The following CRISP3 variants were observed in gnomAD, a reference collection of about 807,000 sequenced individuals.
CRISP3 encodes the protein cysteine-rich secretory protein 3.
CRISP3 carries 33 observed loss-of-function variants against 36.1 expected under a neutral mutation model. The ratio of observed to expected loss-of-function variants is 0.91; its 90% confidence interval spans 0.69 to 1.22. CRISP3 has a LOEUF of 1.22. CRISP3 is among the 50% of genes most tolerant of loss of function. CRISP3 has a pLI of 0.00. For missense variants in CRISP3, 330 were observed against 301.2 expected (o/e 1.10, Z -0.71); for synonymous variants, 117 against 104.6 (o/e 1.12, Z -0.72).
chr6:49,731,299 G>A (rs369879052), intron 6 of CRISP3, 48 bp from the exon 7 acceptor site: 16 of 1,271,378 alleles, frequency 1.3e-5, no homozygotes, highest in East Asian at 4.8e-5. Flanking sequence ...TTTATGTTTC[G>A]TTTATGTTCC....
At chr6:49,733,569 C>T in intron 5 of CRISP3, 134 bp downstream of exon 5, 2 of 864,584 alleles carry the variant, frequency 2.3e-6, no homozygotes, top group East Asian at 5.3e-5. Context: ...AGCTGAAATA[C>T]TCACCAAATG....
rs375461364 is a variant in CRISP3 at position 49,741,611 on chromosome 6, GTTTTTTTTTTT to G, written c.37+2709_37+2719del. On this transcript the variant is annotated intron_variant, in intron 1 of 7. Transcript: ENST00000263045. Reference sequence around the variant, plus strand: ...TCATTAAATTCAACCCCTGTATGTAGTTTTTTTTTTTTTTTTTTTTTTTAAAGAAAAAATAG... The same window carrying G: ...TCATTAAATTCAACCCCTGTATGTAGTTTTTTTTTTTTAAAGAAAAAATAG... Among the ~76,000 whole-genome samples, 197 of 113,014 alleles carry G rather than the reference GTTTTTTTTTTT, an allele frequency of 1.7e-3. 2 individuals carry two copies. The highest frequency in any genetic ancestry group is 5.2e-3 in the African/African-American group (158 of 30,412). 74.1% of individuals were successfully genotyped at this position (113,014 alleles called of 152,430 possible). A position where few individuals can be genotyped will look rare whatever the true frequency, so the allele number is the denominator to read the frequency against.
chr6:49,741,127 A>AC (rs1230176670), intron 1 of CRISP3, among the ~76,000 whole-genome samples: 1 of 96,602 alleles, frequency 1.0e-5, no homozygotes, highest in Admixed American at 1.3e-4. Flanking sequence ...AAACAAACAA[A>AC]AAAAACAAAC....
At position 49,731,175 on chromosome 6, in the gene CRISP3, C is replaced by T. The variant is rs996891773; in HGVS notation, c.637G>A (p.Asp213Asn). ...PCASCPDNCD[D>N]GLCTNGCKYE... ...ACTTCAAACTTACTGCATAGTCCAT[C>T]GTCACAGTTATCTGGGCAACTGGCA... Residue 213 changes from aspartate (D) to asparagine (N), a missense_variant, in exon 7 of 8, where the codon GAT becomes AAT. By Grantham distance (23) the Asp-to-Asn change is conservative. Transcript: ENST00000263045. 8.1e-6 allele frequency: 13 copies of T among 1,605,912 alleles called. No individual in the cohort carries two copies. In the East Asian group the frequency reaches 2.0e-4, roughly 25 times the overall value.
chr6:49,731,085 T>C, intron 7 of CRISP3, 78 bp downstream of exon 7: 1 of 1,060,582 alleles, frequency 9.4e-7, no homozygotes, highest in Non-Finnish European at 1.4e-6. Context: ...TTAAGTTGGT[T>C]GTCTTCAGAT....
Position 49,727,388 on chromosome 6 carries a change from A to G in CRISP3, c.*1342T>C, listed in dbSNP as rs1188387748. On this transcript the variant is annotated 3_prime_UTR_variant, in exon 8 of 8. Transcript: ENST00000263045. Reference sequence around the variant, plus strand: ...TAAAATTCTTGTATTTTTTTTCAAGACACTTTTTATTTTGCATTGCTTTCT... The same window carrying G: ...TAAAATTCTTGTATTTTTTTTCAAGGCACTTTTTATTTTGCATTGCTTTCT... 6.6e-6 allele frequency: 1 copy of G among 151,942 alleles called. No individual in the cohort carries two copies. Among genetic ancestry groups the G allele is most frequent in the Non-Finnish European group, 1.5e-5 (1 of 67,910 alleles). The allele number at this position is 151,942 out of a possible 1,614,324, so 9.4% of individuals were successfully genotyped here.
At chr6:49,743,258 T>C (rs1451998976) in intron 1 of CRISP3, among the ~76,000 whole-genome samples, 1 of 152,136 alleles carries the variant, frequency 6.6e-6, no homozygotes, top group Non-Finnish European at 1.5e-5. Context: ...AATTATCAGA[T>C]TTACATTACT....
chr6:49,732,316 T>G (rs1768933369), intron 6 of CRISP3, among the ~76,000 whole-genome samples: 2 of 152,252 alleles, frequency 1.3e-5, no homozygotes, highest in Middle Eastern at 3.4e-3. Flanking sequence ...ACCTTACAGG[T>G]CATATTTCTC....
chr6:49,742,041 C>A (rs1156948937), intron 1 of CRISP3, among the ~76,000 whole-genome samples: 1 of 150,936 alleles, frequency 6.6e-6, no homozygotes, highest in African/African-American at 2.4e-5. Context: ...ACAAAAATAC[C>A]ATTTCTATTA....
Position 49,728,703 on chromosome 6 carries a change from T to G in CRISP3, c.*27A>C. On this transcript the variant is annotated 3_prime_UTR_variant, in exon 8 of 8. Transcript: ENST00000263045. ...GTAGATAATCTGACTCCTCTCTACATAGCCCTACTCGGTGTGTAATGCGTA... is the reference window on the plus strand; with the variant it reads ...GTAGATAATCTGACTCCTCTCTACAGAGCCCTACTCGGTGTGTAATGCGTA... 6 of 1,589,886 alleles carry G rather than the reference T, an allele frequency of 3.8e-6. No individual in the cohort carries two copies. Among genetic ancestry groups the G allele is most frequent in the Non-Finnish European group, 5.1e-6 (6 of 1,168,514 alleles).
In CRISP3 at chr6:49,733,232, C is replaced by G; in HGVS notation, c.523G>C (p.Val175Leu). Residue 175 changes from valine to leucine, a missense_variant, in exon 6 of 8, where the codon GTT becomes CTT. Coordinates refer to ENST00000263045, the MANE Select transcript of CRISP3 (RefSeq NM_006061.4). ...TGGCAAACATAGTAGTATTTTAGAACTTTTTGATTGGGACAGTAGGCATTT... is the reference window on the plus strand; with the variant it reads ...TGGCAAACATAGTAGTATTTTAGAAGTTTTTGATTGGGACAGTAGGCATTT... ...CGNAYCPNQK[V>L]LKYYYVCQYC... The G allele has an allele frequency of 6.2e-7, 1 of 1,610,294 alleles. No homozygotes were observed. The highest frequency in any genetic ancestry group is 8.5e-7 in the Non-Finnish European group (1 of 1,178,024).
chr6:49,741,494 G>A (rs1769200191), intron 1 of CRISP3, among the ~76,000 whole-genome samples: 1 of 151,792 alleles, frequency 6.6e-6, no homozygotes, highest in Non-Finnish European at 1.5e-5. Flanking sequence ...AAAATTATAT[G>A]AGGACTGCAA....
intron 7 of CRISP3, among the ~76,000 whole-genome samples, chr6:49,730,091 C>T (rs1267948971): frequency 6.6e-6 from 1 of 151,952 alleles, no homozygotes; most frequent in Admixed American, 6.6e-5. Context: ...AAAAATGTTA[C>T]AATTCAGTCA....
At position 49,728,728 on chromosome 6, in the gene CRISP3, A is replaced by T. The variant is rs1438797159; in HGVS notation, c.*2T>A. 1 of 1,610,140 alleles carries T rather than the reference A, an allele frequency of 6.2e-7. No individual in the cohort carries two copies. Among genetic ancestry groups the T allele is most frequent in the East Asian group, 2.2e-5 (1 of 44,780 alleles). On this transcript the variant is annotated 3_prime_UTR_variant, in exon 8 of 8. Coordinates refer to ENST00000263045, the MANE Select transcript of CRISP3 (RefSeq NM_006061.4). ...TAGCCCTACTCGGTGTGTAATGCGTATTTAATAAATGCTGTTTGAACAATT... is the reference window on the plus strand; with the variant it reads ...TAGCCCTACTCGGTGTGTAATGCGTTTTTAATAAATGCTGTTTGAACAATT...
chr6:49,736,526 A>G lies in CRISP3; in HGVS notation c.112-19T>C. ...CGGGATCCTAAGGGAAAATAAAATT[A>G]CAATTATCTTTTAACATTGTTGGAA... On this transcript the variant is annotated intron_variant, in intron 2 of 7. Transcript: ENST00000263045. 2.0e-6 allele frequency: 3 copies of G among 1,509,698 alleles called. No homozygotes were observed. The highest frequency in any genetic ancestry group is 2.8e-6 in the Non-Finnish European group (3 of 1,085,154). The allele number at this position is 1,509,698 out of a possible 1,614,324, so 93.5% of individuals were successfully genotyped here.
chr6:49,735,233 T>G lies in CRISP3; in HGVS notation c.316+271A>C, dbSNP rs530531842. Reference sequence around the variant, plus strand: ...CTGTTGATTTTCTAATCTCTGTAATTGGGAAAGAGATGATCTGTAACCTGC... The same window carrying G: ...CTGTTGATTTTCTAATCTCTGTAATGGGGAAAGAGATGATCTGTAACCTGC... On this transcript the variant is annotated intron_variant, in intron 4 of 7. Coordinates refer to ENST00000263045, the MANE Select transcript of CRISP3 (RefSeq NM_006061.4). Among the ~76,000 whole-genome samples the G allele has an allele frequency of 3.3e-5, 5 of 152,134 alleles. No individual in the cohort carries two copies. The South Asian group carries it at 1.0e-3, about 31-fold the overall frequency.
At chr6:49,737,760 A>G (rs1201156652) in intron 1 of CRISP3, among the ~76,000 whole-genome samples, 1 of 152,180 alleles carries the variant, frequency 6.6e-6, no homozygotes, top group Non-Finnish European at 1.5e-5. Context: ...GTAGCTTCCA[A>G]CTGTGTTTAT....
At chr6:49,732,642 C>A (rs1768943625) in intron 6 of CRISP3, among the ~76,000 whole-genome samples, 2 of 152,150 alleles carry the variant, frequency 1.3e-5, no homozygotes, top group African/African-American at 4.8e-5. Flanking sequence ...AAATTTAAGA[C>A]ATTATCTTTT....
intron 1 of CRISP3, among the ~76,000 whole-genome samples, chr6:49,740,698 C>G (rs919277396): frequency 1.2e-5 from 1 of 84,172 alleles, no homozygotes; most frequent in African/African-American, 5.1e-5. Context: ...AGTTTCTACT[C>G]TTGCCTCAAA....
Sources: gnomAD v4.1 joint callset for allele counts (sites outside exome capture counted in the v4.1 genomes callset) on GRCh38, gnomAD v4.1.1 for gene constraint, MANE v1.5 for transcripts, NCBI Gene and HGNC (gene_info 2026-07-23, HGNC 2026-07-21) for gene names.